Variants in CTNNA1 observed in about 807,000 individuals in gnomAD.
The protein encoded by CTNNA1 is catenin alpha 1.
A neutral mutation model predicts 98.4 loss-of-function variants in CTNNA1; 37 were observed. The ratio of observed to expected loss-of-function variants is 0.38; its 90% confidence interval spans 0.29 to 0.49. CTNNA1 has a LOEUF of 0.49. CTNNA1 is among the 20% of genes least tolerant of loss of function. The pLI is 0.95. For synonymous variants in CTNNA1, 404 were observed against 413.2 expected, an observed-to-expected ratio of 0.98 and a Z score of 0.27; for missense variants, 761 against 1,147.2, an observed-to-expected ratio of 0.66 and a Z score of 4.86.
At chr5:138,913,543 C>T (rs537860092) in intron 10 of CTNNA1, among the ~76,000 whole-genome samples, 1 of 150,924 alleles carries the variant, frequency 6.6e-6, no homozygotes, top group African/African-American at 2.4e-5. Context: ...GAGATTATGC[C>T]ACTGCACTCC....
At chr5:138,923,687 A>G (rs1469287441) in intron 11 of CTNNA1, among the ~76,000 whole-genome samples, 1 of 152,144 alleles carries the variant, frequency 6.6e-6, no homozygotes, top group Non-Finnish European at 1.5e-5. Flanking sequence ...CATAGTTCCC[A>G]TAATTCATTT....
At chr5:138,904,764 C>G (rs1423798544) in intron 10 of CTNNA1, 3 of 227,522 alleles carry the variant, frequency 1.3e-5, no homozygotes, top group Non-Finnish European at 8.6e-6. Context: ...TGAGACCAGC[C>G]TGGGCAACAT....
chr5:138,860,024 G>A (rs1409176037), intron 7 of CTNNA1, among the ~76,000 whole-genome samples: 5 of 152,126 alleles, frequency 3.3e-5, no homozygotes, highest in Non-Finnish European at 5.9e-5. Flanking sequence ...GTGTGTGTGT[G>A]TGTTTAAAGA....
rs879545391 is a variant in CTNNA1 at position 138,768,427 on chromosome 5, C to CT, written c.-2-13485dup. ...GTGCACACCACCACACCCAGCTAAG[C>CT]TTTTTTTTTTTAAAGTAGAGATAGG... On this transcript the variant is annotated intron_variant, in intron 1 of 17. Coordinates refer to ENST00000302763, the MANE Select transcript of CTNNA1 (RefSeq NM_001903.5). Among the ~76,000 whole-genome samples, 155 of 145,644 alleles carry CT rather than the reference C, an allele frequency of 1.1e-3. 1 individual carries two copies. The highest frequency in any genetic ancestry group is 3.0e-3 in the African/African-American group (118 of 39,898).
intron 9 of CTNNA1, among the ~76,000 whole-genome samples, chr5:138,890,366 A>G (rs551132091): frequency 1.2e-4 from 18 of 152,298 alleles, no homozygotes; most frequent in South Asian, 4.1e-4. Context: ...TTCACTTCAC[A>G]TGTCAGCTGC....
At chr5:138,791,826 C>T (rs1177362261) in intron 3 of CTNNA1, among the ~76,000 whole-genome samples, 1 of 88,014 alleles carries the variant, frequency 1.1e-5, no homozygotes, top group Non-Finnish European at 2.2e-5. Flanking sequence ...AATTACTGTT[C>T]ATTGTAGCTG....
At chr5:138,770,904 A>G (rs986133647) in intron 1 of CTNNA1, among the ~76,000 whole-genome samples, 1 of 151,098 alleles carries the variant, frequency 6.6e-6, no homozygotes, top group African/African-American at 2.4e-5. Flanking sequence ...GTGAGCCGAG[A>G]TTGCGCCACT....
intron 9 of CTNNA1, among the ~76,000 whole-genome samples, chr5:138,899,266 A>G (rs1331030459): frequency 6.6e-6 from 1 of 151,984 alleles, no homozygotes; most frequent in Non-Finnish European, 1.5e-5. Flanking sequence ...TATTGTGGGA[A>G]TTCTTTGAAG....
At chr5:138,861,919 G>A (rs965134971) in intron 7 of CTNNA1, among the ~76,000 whole-genome samples, 2 of 152,138 alleles carry the variant, frequency 1.3e-5, no homozygotes, top group Admixed American at 6.6e-5. Flanking sequence ...GTAAGCCCAC[G>A]GTCAAGAGAT....
intron 7 of CTNNA1, among the ~76,000 whole-genome samples, chr5:138,834,806 T>C (rs1761615861): frequency 6.6e-6 from 1 of 152,204 alleles, no homozygotes; most frequent in Non-Finnish European, 1.5e-5. Flanking sequence ...GTGAAGAGAC[T>C]GCCAAACAGG....
At position 138,882,296 on chromosome 5, in the gene CTNNA1, A is replaced by G. The variant is rs574284337; in HGVS notation, c.1063-3916A>G. Among the ~76,000 whole-genome samples, 3 of 152,254 alleles carry G rather than the reference A, an allele frequency of 2.0e-5. No homozygotes were observed. The South Asian group carries it at 6.2e-4, about 32-fold the overall frequency. On this transcript the variant is annotated intron_variant, in intron 7 of 17. Coordinates refer to ENST00000302763, the MANE Select transcript of CTNNA1 (RefSeq NM_001903.5). ...GGAGTTGGAAGGAGGGGAGAAGAGT[A>G]TTTTATGTAGGTGAGAGAGAGCACG...
intron 1 of CTNNA1, among the ~76,000 whole-genome samples, chr5:138,761,351 C>T (rs1476728645): frequency 6.6e-6 from 1 of 152,150 alleles, no homozygotes; most frequent in Non-Finnish European, 1.5e-5. Context: ...TCTCCTGCCT[C>T]AGCTTCCTGA....
At chr5:138,879,292 A>C (rs1291114218) in intron 7 of CTNNA1, among the ~76,000 whole-genome samples, 1 of 149,600 alleles carries the variant, frequency 6.7e-6, no homozygotes. Flanking sequence ...ACTTAGGCTT[A>C]TGTCGTAGCC....
intron 11 of CTNNA1, among the ~76,000 whole-genome samples, chr5:138,919,068 T>C (rs1447506592): frequency 2.0e-5 from 3 of 152,124 alleles, no homozygotes; most frequent in Non-Finnish European, 4.4e-5. Flanking sequence ...AAGTAGGGGG[T>C]AAACCATGTT....
chr5:138,901,674 T>C (rs1477179992), intron 9 of CTNNA1, among the ~76,000 whole-genome samples: 1 of 152,172 alleles, frequency 6.6e-6, no homozygotes, highest in African/African-American at 2.4e-5. Flanking sequence ...AGTGATCCTC[T>C]TGCCTTGGAC....
intron 10 of CTNNA1, among the ~76,000 whole-genome samples, chr5:138,913,794 A>G (rs1761163406): frequency 6.6e-6 from 1 of 152,152 alleles, no homozygotes; most frequent in Admixed American, 6.6e-5. Context: ...AAGGTAAATG[A>G]TTTTATAGTT....
chr5:138,877,699 G>A (rs576857061), intron 7 of CTNNA1, among the ~76,000 whole-genome samples: 60 of 151,836 alleles, frequency 4.0e-4, no homozygotes, highest in African/African-American at 1.4e-3. Flanking sequence ...CACCCGCCTC[G>A]GCCTCCCAAA....
intron 1 of CTNNA1, among the ~76,000 whole-genome samples, chr5:138,774,506 C>T (rs1753874742): frequency 6.6e-6 from 1 of 152,132 alleles, no homozygotes; most frequent in African/African-American, 2.4e-5. Flanking sequence ...AACAAGTGGG[C>T]ACAAGCTTTC....
intron 14 of CTNNA1, 135 bp from the exon 15 acceptor site, chr5:138,930,338 T>C: frequency 3.0e-6 from 2 of 663,676 alleles, no homozygotes; most frequent in South Asian, 2.2e-5. Flanking sequence ...GAAATAGCCC[T>C]TCAGGCGAAA....
Sources: allele counts gnomAD v4.1 joint callset (sites outside exome capture counted in the v4.1 genomes callset), GRCh38; gene constraint gnomAD v4.1.1; transcripts MANE v1.5; gene names NCBI Gene and HGNC (gene_info 2026-07-23, HGNC 2026-07-21).